The following LIMS1 variants were observed in gnomAD, a reference collection of about 807,000 sequenced individuals.
The protein encoded by LIMS1 is LIM zinc finger domain containing 1.
A neutral mutation model predicts 44.1 loss-of-function variants in LIMS1; 18 were observed. That is an observed-to-expected ratio of 0.41 (90% CI 0.28 to 0.61). The LOEUF (loss-of-function observed/expected upper bound fraction) is 0.61, where lower values mean the gene tolerates loss of function less well. Ranked by LOEUF, LIMS1 falls within the 20% of genes least tolerant of loss-of-function variation. The probability of loss-of-function intolerance (pLI) is 0.32; values close to 1 mark genes in which losing one functional copy is unlikely to be tolerated. For synonymous variants in LIMS1, 93 were observed against 149.1 expected, an observed-to-expected ratio of 0.62 and a Z score of 2.74; for missense variants, 201 against 422.0, an observed-to-expected ratio of 0.48 and a Z score of 4.59.
exon 10 of LIMS1, chr2:108,683,967 A>C (rs1339179541): frequency 4.4e-6 from 7 of 1,596,404 alleles, no homozygotes; most frequent in Non-Finnish European, 6.0e-6. Flanking sequence ...GAAAAGACTT[A>C]AGAAACTAGC....
At chr2:108,557,770 C>T (rs2104604360) in intron 1 of LIMS1, among the ~76,000 whole-genome samples, 1 of 152,280 alleles carries the variant, frequency 6.6e-6, no homozygotes, top group Middle Eastern at 3.4e-3. Flanking sequence ...CCTGCCTCAG[C>T]CTCCCAAAGC....
At position 108,667,551 on chromosome 2, in the gene LIMS1, A is replaced by AAATAT. The variant is rs765279788; in HGVS notation, c.193-3229_193-3228insATATA. On this transcript the variant is annotated intron_variant, in intron 2 of 9. Transcript: ENST00000544547. Reference sequence around the variant, plus strand: ...TTCAACCTTTTTTAAAAAAAAAAAAAATATATATATATATATATACTGCTG... The same window carrying AAATAT: ...TTCAACCTTTTTTAAAAAAAAAAAAAAATATATATATATATATATATATACTGCTG... 5.4e-3 allele frequency among the ~76,000 whole-genome samples: 707 copies of AAATAT among 130,454 alleles called. 4 individuals carry two copies. The highest frequency in any genetic ancestry group is 0.017 in the African/African-American group (608 of 34,990). The allele number at this position is 130,454 out of a possible 152,430, so 85.6% of individuals were successfully genotyped here. A position where few individuals can be genotyped will look rare whatever the true frequency, so the allele number is the denominator to read the frequency against.
chr2:108,582,092 A>G (rs1685909754), intron 1 of LIMS1, among the ~76,000 whole-genome samples: 1 of 152,258 alleles, frequency 6.6e-6, no homozygotes, highest in Admixed American at 6.5e-5. Flanking sequence ...TTTTACTAGT[A>G]TTCAATGTTG....
intron 1 of LIMS1, among the ~76,000 whole-genome samples, chr2:108,615,330 A>G (rs938778893): frequency 1.3e-5 from 2 of 152,158 alleles, no homozygotes; most frequent in African/African-American, 4.8e-5. Context: ...CAAGTTTACT[A>G]CATTGAGTGA....
chr2:108,681,416 T>C, intron 9 of LIMS1: 1 of 974,670 alleles, frequency 1.0e-6, no homozygotes, highest in Non-Finnish European at 1.2e-6. Context: ...CCATATAGTA[T>C]ACATTTCTTT....
chr2:108,683,866 T>TA lies in LIMS1; in HGVS notation c.900-18dup. The TA allele has an allele frequency of 1.5e-6, 2 of 1,330,546 alleles. No individual in the cohort carries two copies. Among genetic ancestry groups the TA allele is most frequent in the South Asian group, 1.3e-5 (1 of 74,970 alleles). 82.4% of individuals were successfully genotyped at this position (1,330,546 alleles called of 1,614,324 possible). A position where few individuals can be genotyped will look rare whatever the true frequency, so the allele number is the denominator to read the frequency against. On this transcript the variant is annotated intron_variant, in intron 9 of 9. Coordinates refer to ENST00000544547, the Ensembl canonical transcript of LIMS1. Reference sequence around the variant, plus strand: ...ATGTTTCCACTAACTTCTTTTTTTTTATAATTTTTTGTCTTTAGGAATAAG... The same window carrying TA: ...ATGTTTCCACTAACTTCTTTTTTTTTAATAATTTTTTGTCTTTAGGAATAAG...
At position 108,549,275 on chromosome 2, in the gene LIMS1, GTTTCTTTTT is replaced by G. The variant is rs1219329064; in HGVS notation, c.32+14685_32+14693del. Among the ~76,000 whole-genome samples the G allele has an allele frequency of 2.9e-3, 249 of 86,518 alleles. 3 individuals carry two copies. The highest frequency in any genetic ancestry group is 8.6e-3 in the Middle Eastern group (1 of 116). The allele number at this position is 86,518 out of a possible 152,430, so 56.8% of individuals were successfully genotyped here. ...TTCAATAATAATGTACAAGTAAAGT[GTTTCTTTTT>G]TTTTTTTTTTTTTTTTTTTTTTTTT... On this transcript the variant is annotated intron_variant, in intron 1 of 9. Transcript: ENST00000544547.
At chr2:108,681,457 A>C in intron 9 of LIMS1, 1 of 975,258 alleles carries the variant, frequency 1.0e-6, no homozygotes, top group Non-Finnish European at 1.2e-6. Flanking sequence ...AAAGGGAAGA[A>C]TTCTAATCTC....
chr2:108,682,341 T>A (rs1441439772), intron 9 of LIMS1, among the ~76,000 whole-genome samples: 1 of 151,624 alleles, frequency 6.6e-6, no homozygotes, highest in Non-Finnish European at 1.5e-5. Context: ...CTACTAAAAA[T>A]ACAAAAAAAT....
rs192564016 is a variant in LIMS1 at position 108,623,393 on chromosome 2, G to C, written c.33-36212G>C. On this transcript the variant is annotated intron_variant, in intron 1 of 9. Transcript: ENST00000544547. ...TGGACAAGTTATATAATTTTTTTAAGTCTTGGTTTATTCTTTTTTTAAAAA... is the reference window on the plus strand; with the variant it reads ...TGGACAAGTTATATAATTTTTTTAACTCTTGGTTTATTCTTTTTTTAAAAA... Among the ~76,000 whole-genome samples, 9 of 152,142 alleles carry C rather than the reference G, an allele frequency of 5.9e-5. 1 individual carries two copies. The highest frequency in any genetic ancestry group is 3.4e-3 in the Middle Eastern group (1 of 294).
At position 108,611,448 on chromosome 2, in the gene LIMS1, T is replaced by C. The variant is rs201109302; in HGVS notation, c.33-48157T>C. Among the ~76,000 whole-genome samples the C allele has an allele frequency of 1.2e-4, 18 of 152,310 alleles. No individual in the cohort carries two copies. The East Asian group carries it at 3.5e-3, about 29-fold the overall frequency. On this transcript the variant is annotated intron_variant, in intron 1 of 9. Transcript: ENST00000544547. ...TTAAAAAATAACCTATCAATGTTTT[T>C]TTTCACTTTCCTTAGAAATAGTGCA...
chr2:108,552,643 C>CAT (rs1684798078), intron 1 of LIMS1, among the ~76,000 whole-genome samples: 1 of 148,914 alleles, frequency 6.7e-6, no homozygotes, highest in South Asian at 2.1e-4. Flanking sequence ...CTCTGTCGGC[C>CAT]ATACTGCATG....
At chr2:108,624,489 G>A (rs1348155508) in intron 1 of LIMS1, among the ~76,000 whole-genome samples, 6 of 152,232 alleles carry the variant, frequency 3.9e-5, no homozygotes, top group African/African-American at 1.4e-4. Context: ...GGATGCAGTG[G>A]CTGACGCCTA....
At chr2:108,680,068 T>G (rs1161977569) in intron 8 of LIMS1, among the ~76,000 whole-genome samples, 1 of 151,266 alleles carries the variant, frequency 6.6e-6, no homozygotes, top group East Asian at 2.0e-4. Flanking sequence ...CTATAAAAAA[T>G]ACAAAAATTA....
At chr2:108,587,290 TTGTGTGTG>T (rs58815332) in intron 1 of LIMS1, among the ~76,000 whole-genome samples, 3,488 of 105,954 alleles carry the variant, frequency 0.033, 92 homozygotes, top group East Asian at 0.22. Context: ...TTCTTGGGGT[TTGTGTGTG>T]TGTGTGTGTG....
intron 1 of LIMS1, among the ~76,000 whole-genome samples, chr2:108,550,339 C>CA (rs924076397): frequency 1.6e-4 from 22 of 138,360 alleles, no homozygotes; most frequent in South Asian, 9.2e-4. Context: ...ACTATAAATA[C>CA]AAAAAAAAAA....
At chr2:108,676,719 A>G in intron 7 of LIMS1, 21 bp downstream of exon 7, 2 of 1,317,716 alleles carry the variant, frequency 1.5e-6, no homozygotes, top group South Asian at 1.4e-5. Flanking sequence ...TAGTCACTGG[A>G]TGCTAGATAG....
At chr2:108,673,133 T>C in intron 5 of LIMS1, 104 bp downstream of exon 5, 1 of 1,490,528 alleles carries the variant, frequency 6.7e-7, no homozygotes, top group Non-Finnish European at 9.2e-7. Context: ...TTCTCCAATT[T>C]TTAGTCTAGA....
chr2:108,567,045 A>C (rs907350878), intron 1 of LIMS1, among the ~76,000 whole-genome samples: 4 of 152,192 alleles, frequency 2.6e-5, no homozygotes, highest in Non-Finnish European at 5.9e-5. Flanking sequence ...GCTCCTGGCA[A>C]CCACTGTTCT....
Sources: allele counts gnomAD v4.1 joint callset (sites outside exome capture counted in the v4.1 genomes callset), GRCh38; gene constraint gnomAD v4.1.1; transcripts MANE v1.5; gene names NCBI Gene and HGNC (gene_info 2026-07-23, HGNC 2026-07-21).